The following AFTPH variants were observed in gnomAD, a reference collection of about 807,000 sequenced individuals.
AFTPH encodes aftiphilin.
A neutral mutation model predicts 72.5 loss-of-function variants in AFTPH; 7 were observed. The observed-to-expected ratio is 0.10, with a 90% confidence interval of 0.05 to 0.18. The LOEUF (loss-of-function observed/expected upper bound fraction) is 0.18. Ranked by LOEUF, AFTPH falls within the 10% of genes least tolerant of loss-of-function variation. AFTPH has a pLI of 1.00. For synonymous variants in AFTPH, 337 were observed against 370.1 expected, an observed-to-expected ratio of 0.91 and a Z score of 1.03; for missense variants, 979 against 1,060.5, an observed-to-expected ratio of 0.92 and a Z score of 1.07.
At chr2:64,533,511 TAAAATA>T (rs1669738476) in intron 1 of AFTPH, among the ~76,000 whole-genome samples, 1 of 152,164 alleles carries the variant, frequency 6.6e-6, no homozygotes, top group East Asian at 1.9e-4. Context: ...CAAAGCAACT[TAAAATA>T]AGAATTACTG....
intron 1 of AFTPH, among the ~76,000 whole-genome samples, chr2:64,533,856 A>C (rs1363231084): frequency 1.3e-5 from 2 of 152,228 alleles, no homozygotes; most frequent in African/African-American, 4.8e-5. Context: ...AAAATTAACA[A>C]TTCTGTATTT....
At chr2:64,570,095 T>G (rs562553119) in intron 5 of AFTPH, among the ~76,000 whole-genome samples, 5 of 152,296 alleles carry the variant, frequency 3.3e-5, no homozygotes, top group African/African-American at 1.2e-4. Flanking sequence ...AACACCAAAT[T>G]ATAATGAAAT....
In AFTPH at chr2:64,576,689, T is replaced by A. The variant is rs138410932; in HGVS notation, c.2395-2797T>A. On this transcript the variant is annotated intron_variant, in intron 6 of 8. Transcript: ENST00000238856. Reference sequence around the variant, plus strand: ...TAGCAACTTCTCTTAGACTGCCTGATGTATTTTAGTTGTGAATCAGAATTT... The same window carrying A: ...TAGCAACTTCTCTTAGACTGCCTGAAGTATTTTAGTTGTGAATCAGAATTT... Among the ~76,000 whole-genome samples the A allele has an allele frequency of 1.1e-3, 170 of 152,304 alleles. 2 individuals carry two copies. The highest frequency in any genetic ancestry group is 3.9e-3 in the African/African-American group (164 of 41,574).
At position 64,569,084 on chromosome 2, in the gene AFTPH, C is replaced by T. The variant is rs1450782690; in HGVS notation, c.2088-8C>T. The T allele has an allele frequency of 6.2e-7, 1 of 1,613,934 alleles. No homozygotes were observed. Among genetic ancestry groups the T allele is most frequent in the Middle Eastern group, 1.6e-4 (1 of 6,062 alleles). On this transcript the variant is annotated splice_polypyrimidine_tract_variant and splice_region_variant and intron_variant, in intron 3 of 8. Transcript: ENST00000238856. Reference sequence around the variant, plus strand: ...CTGTTGTTGATGGCTTCATCATGGCCTTTGCAGGGAATTGCTAGATGTGTG... The same window carrying T: ...CTGTTGTTGATGGCTTCATCATGGCTTTTGCAGGGAATTGCTAGATGTGTG...
intron 1 of AFTPH, among the ~76,000 whole-genome samples, chr2:64,544,031 A>G (rs1381284837): frequency 3.3e-5 from 5 of 152,194 alleles, no homozygotes; most frequent in African/African-American, 9.7e-5. Context: ...GGGCTTCTAA[A>G]CTGTTTCCCT....
chr2:64,567,269 CTT>C (rs1421372084), intron 2 of AFTPH, among the ~76,000 whole-genome samples: 1 of 152,098 alleles, frequency 6.6e-6, no homozygotes, highest in African/African-American at 2.4e-5. Flanking sequence ...TGGGTAATTT[CTT>C]TTTTGTAGAA....
At position 64,576,118 on chromosome 2, in the gene AFTPH, CGT is replaced by C. The variant is rs1553404164; in HGVS notation, c.2394+3055_2394+3056del. 5.1e-5 allele frequency among the ~76,000 whole-genome samples: 7 copies of C among 137,054 alleles called. No individual in the cohort carries two copies. The East Asian group carries it at 6.6e-4, about 13-fold the overall frequency. The allele number at this position is 137,054 out of a possible 152,430, so 89.9% of individuals were successfully genotyped here. A position where few individuals can be genotyped will look rare whatever the true frequency, so the allele number is the denominator to read the frequency against. On this transcript the variant is annotated intron_variant, in intron 6 of 8. Coordinates refer to ENST00000238856, the Ensembl canonical transcript of AFTPH. ...ACACACACACACACACACACACACA[CGT>C]GTGTCATACAAATGAAATACGTGTG...
At chr2:64,576,323 T>G (rs1406239425) in intron 6 of AFTPH, among the ~76,000 whole-genome samples, 1 of 151,976 alleles carries the variant, frequency 6.6e-6, no homozygotes, top group Admixed American at 6.6e-5. Context: ...CAAGCACAAT[T>G]GTATAATTCC....
chr2:64,528,307 A>G (rs1005794521), intron 1 of AFTPH, among the ~76,000 whole-genome samples: 10 of 152,196 alleles, frequency 6.6e-5, no homozygotes, highest in South Asian at 4.1e-4. Context: ...ACAAGTATCT[A>G]TTGAGCACCT....
At chr2:64,545,869 A>T (rs945600195) in intron 1 of AFTPH, among the ~76,000 whole-genome samples, 37 of 151,716 alleles carry the variant, frequency 2.4e-4, no homozygotes, top group Non-Finnish European at 4.4e-4. Flanking sequence ...ACAAACACAA[A>T]CGCAAGTTTT....
chr2:64,569,962 T>C (rs1486565241), intron 5 of AFTPH, among the ~76,000 whole-genome samples: 3 of 152,298 alleles, frequency 2.0e-5, no homozygotes, highest in Admixed American at 6.5e-5. Context: ...ATTCTTTTTC[T>C]TTTCTAAACT....
At chr2:64,530,218 TAC>T (rs1302328089) in intron 1 of AFTPH, among the ~76,000 whole-genome samples, 1 of 152,208 alleles carries the variant, frequency 6.6e-6, no homozygotes, top group Non-Finnish European at 1.5e-5. Flanking sequence ...CATATTTTCC[TAC>T]ACATTTTAAT....
exon 2 of AFTPH, chr2:64,552,781 G>T (rs1198335486): frequency 6.2e-7 from 1 of 1,614,152 alleles, no homozygotes; most frequent in Non-Finnish European, 8.5e-7. Context: ...GGTGATTTTG[G>T]TGACTTTGGC....
At chr2:64,568,585 G>A (rs1172377948) in intron 3 of AFTPH, among the ~76,000 whole-genome samples, 2 of 152,120 alleles carry the variant, frequency 1.3e-5, no homozygotes, top group Non-Finnish European at 2.9e-5. Flanking sequence ...TATAGTTTAA[G>A]ATCTGTTTGT....
chr2:64,567,043 C>CAAAA (rs1672128291), intron 2 of AFTPH, among the ~76,000 whole-genome samples: 1 of 152,060 alleles, frequency 6.6e-6, no homozygotes, highest in African/African-American at 2.4e-5. Flanking sequence ...AAAAGGCTAT[C>CAAAA]AAAATTCATG....
Position 64,530,161 on chromosome 2 carries a change from C to T in AFTPH, c.-33+5549C>T, listed in dbSNP as rs373438753. Reference sequence around the variant, plus strand: ...ACAGAGTGAGGCTCCGTCTCAACAACAACAAAAAAAAGCAAATCCCTCACT... The same window carrying T: ...ACAGAGTGAGGCTCCGTCTCAACAATAACAAAAAAAAGCAAATCCCTCACT... On this transcript the variant is annotated intron_variant, in intron 1 of 8. Transcript: ENST00000238856. Among the ~76,000 whole-genome samples the T allele has an allele frequency of 6.2e-4, 94 of 151,688 alleles. 2 individuals are homozygous for T. Among genetic ancestry groups the T allele is most frequent in the Middle Eastern group, 6.8e-3 (2 of 294 alleles).
At chr2:64,579,794 T>G (rs2302881) in intron 7 of AFTPH, 99,041 of 364,418 alleles carry the variant, frequency 0.27, 13,621 homozygotes, top group Middle Eastern at 0.31. Context: ...AAAGTAAGCT[T>G]CTTTATTTTT....
chr2:64,587,938 TTTA>T (rs1257054672), intron 8 of AFTPH, among the ~76,000 whole-genome samples: 1 of 151,452 alleles, frequency 6.6e-6, no homozygotes, highest in Non-Finnish European at 1.5e-5. Flanking sequence ...TCAAAGAAAT[TTTA>T]TTCTTTTTTA....
Position 64,573,046 on chromosome 2 carries a change from C to T in AFTPH, c.2372C>T (p.Thr791Ile), listed in dbSNP as rs1672540608. ...GCCACCATGTCACCAGATATGAACA[C>T]ATGTACATCTGATCAGTTCCAGGTA... The change falls in exon 6 of 9, where the codon ACA becomes ATA. Residue 791 changes from threonine (T) to isoleucine (I), a missense_variant. Physicochemically the swap from Thr to Ile is moderately conservative, Grantham distance 89. Around this residue, in one of 3 missense-constraint regions of AFTPH, gnomAD observed 438 missense variants for 530.0 expected, o/e 0.83. Transcript: ENST00000238856. The T allele has an allele frequency of 6.2e-7, 1 of 1,614,062 alleles. No individual in the cohort carries two copies. Among genetic ancestry groups the T allele is most frequent in the Admixed American group, 1.7e-5 (1 of 60,016 alleles).
Sources: allele counts gnomAD v4.1 joint callset (sites outside exome capture counted in the v4.1 genomes callset), GRCh38; gene constraint gnomAD v4.1.1; regional missense constraint gnomAD v4.1.1; transcripts MANE v1.5; gene names NCBI Gene and HGNC (gene_info 2026-07-23, HGNC 2026-07-21).